ANXA5: variants seen among roughly 807,000 people sequenced by gnomAD.
The protein encoded by ANXA5 is CBP-I.
A neutral mutation model predicts 48.1 loss-of-function variants in ANXA5; 40 were observed. The observed-to-expected ratio is 0.83, with a 90% confidence interval of 0.65 to 1.08. The LOEUF (loss-of-function observed/expected upper bound fraction) is 1.08, where lower values mean the gene tolerates loss of function less well. Among genes scored for constraint, ANXA5 ranks in the 50% least tolerant of loss-of-function variants. ANXA5 has a pLI of 0.00. For missense variants in ANXA5, 357 were observed against 376.8 expected, an observed-to-expected ratio of 0.95 and a Z score of 0.44; for synonymous variants, 113 against 129.1, an observed-to-expected ratio of 0.88 and a Z score of 0.85.
chr4:121,693,640 A>G (rs980762765), intron 2 of ANXA5, among the ~76,000 whole-genome samples: 4 of 152,364 alleles, frequency 2.6e-5, no homozygotes, highest in Admixed American at 6.5e-5. Flanking sequence ...CTGAATGCCA[A>G]TGAATTGCTC....
chr4:121,696,735 C>T lies in ANXA5; in HGVS notation c.-35-111G>A, dbSNP rs531522947. Reference sequence around the variant, plus strand: ...GCTCAGACAGCCCGGAGGGCCCCGCCACGGGGCCGACCCGCCCTCTCGCAG... The same window carrying T: ...GCTCAGACAGCCCGGAGGGCCCCGCTACGGGGCCGACCCGCCCTCTCGCAG... On this transcript the variant is annotated intron_variant, in intron 1 of 12. Transcript: ENST00000296511. 42 of 615,624 alleles carry T rather than the reference C, an allele frequency of 6.8e-5. No individual in the cohort carries two copies. The East Asian group carries it at 1.5e-3, about 22-fold the overall frequency. The allele number at this position is 615,624 out of a possible 1,614,324, so 38.1% of individuals were successfully genotyped here.
intron 8 of ANXA5, among the ~76,000 whole-genome samples, chr4:121,676,277 A>C (rs1476724894): frequency 6.6e-6 from 1 of 152,224 alleles, no homozygotes; most frequent in Non-Finnish European, 1.5e-5. Flanking sequence ...ATATTTAATA[A>C]GCCCTTTAAT....
intron 2 of ANXA5, among the ~76,000 whole-genome samples, chr4:121,693,972 A>G (rs1725029826): frequency 6.6e-6 from 1 of 152,130 alleles, no homozygotes; most frequent in South Asian, 2.1e-4. Flanking sequence ...ATAATTTTAA[A>G]CCAACCGAAA....
At chr4:121,690,528 C>G (rs994504769) in intron 2 of ANXA5, among the ~76,000 whole-genome samples, 3 of 151,770 alleles carry the variant, frequency 2.0e-5, no homozygotes, top group Admixed American at 2.0e-4. Context: ...GAAAGACGGT[C>G]TCAATGAAAC....
At chr4:121,695,091 A>C (rs981214128) in intron 2 of ANXA5, among the ~76,000 whole-genome samples, 1 of 152,254 alleles carries the variant, frequency 6.6e-6, no homozygotes, top group Non-Finnish European at 1.5e-5. Context: ...GCAAAGATAG[A>C]GGGAATTATT....
At chr4:121,681,129 C>T (rs11726034) in intron 6 of ANXA5, among the ~76,000 whole-genome samples, 2,054 of 152,018 alleles carry the variant, frequency 0.014, 23 homozygotes, top group Middle Eastern at 0.02. Context: ...TATTTTAGGC[C>T]GAAATGCAGA....
rs1392621837 is a variant in ANXA5 at position 121,668,355 on chromosome 4, T to C, written c.*113A>G. ...GTGTATGTGTTGGTCATGAGCATGC[T>C]AGTATGAATAAGGCAATGTGTTAAG... On this transcript the variant is annotated 3_prime_UTR_variant, in exon 13 of 13. Transcript: ENST00000296511. The C allele has an allele frequency of 1.1e-6, 1 of 873,808 alleles. No homozygotes were observed. The highest frequency in any genetic ancestry group is 1.7e-5 in the African/African-American group (1 of 60,206). The allele number at this position is 873,808 out of a possible 1,614,324, so 54.1% of individuals were successfully genotyped here.
At chr4:121,680,253 C>CTGTGTG (rs1292792184) in intron 6 of ANXA5, among the ~76,000 whole-genome samples, 1 of 151,832 alleles carries the variant, frequency 6.6e-6, no homozygotes, top group Non-Finnish European at 1.5e-5. Context: ...AACAGTACTC[C>CTGTGTG]TGTGTGTGTG....
intron 6 of ANXA5, 150 bp from the exon 7 acceptor site, chr4:121,678,644 G>T: frequency 1.5e-6 from 1 of 685,116 alleles, no homozygotes; most frequent in Non-Finnish European, 2.4e-6. Flanking sequence ...AATGCTCTAA[G>T]CAAATGCTTT....
At chr4:121,695,807 C>T (rs991510261) in intron 2 of ANXA5, among the ~76,000 whole-genome samples, 1 of 151,166 alleles carries the variant, frequency 6.6e-6, no homozygotes, top group Non-Finnish European at 1.5e-5. Flanking sequence ...AGCTGAGACA[C>T]GAGAATTGCT....
chr4:121,683,242 C>T, intron 5 of ANXA5, 122 bp downstream of exon 5: 1 of 521,506 alleles, frequency 1.9e-6, no homozygotes. Flanking sequence ...TTTTGTCTGC[C>T]AAGCAACTCT....
At chr4:121,682,144 C>T (rs923108727) in intron 5 of ANXA5, among the ~76,000 whole-genome samples, 3 of 152,032 alleles carry the variant, frequency 2.0e-5, no homozygotes, top group Admixed American at 6.6e-5. Flanking sequence ...GAAAACTTCA[C>T]GTAAATGTAC....
intron 8 of ANXA5, among the ~76,000 whole-genome samples, chr4:121,676,583 A>G (rs922366847): frequency 6.6e-6 from 1 of 151,652 alleles, no homozygotes; most frequent in African/African-American, 2.4e-5. Context: ...AGCTGAGGAT[A>G]CAATTGAACT....
At chr4:121,669,908 T>C (rs1171279913) in intron 11 of ANXA5, 46 bp downstream of exon 11, 1 of 1,494,010 alleles carries the variant, frequency 6.7e-7, no homozygotes, top group Non-Finnish European at 9.2e-7. Context: ...GAATAATAAT[T>C]AGAAAGAGAA....
chr4:121,681,659 A>G lies in ANXA5; in HGVS notation c.394+12T>C. ...TGGAGGTGAAGTCAAAATATAACTC[A>G]CAAACATTTACCTTCTTCATAAACT... On this transcript the variant is annotated intron_variant, in intron 6 of 12. Coordinates refer to ENST00000296511, the MANE Select transcript of ANXA5 (RefSeq NM_001154.4). The G allele has an allele frequency of 6.3e-7, 1 of 1,589,178 alleles. No homozygotes were observed. Among genetic ancestry groups the G allele is most frequent in the Admixed American group, 1.7e-5 (1 of 59,542 alleles).
At chr4:121,672,672 T>C (rs745838009) in intron 8 of ANXA5, 46 bp from the exon 9 acceptor site, 4 of 1,421,910 alleles carry the variant, frequency 2.8e-6, no homozygotes, top group Admixed American at 3.4e-5. Context: ...CTCCATCTCA[T>C]TTCCAGGTTC....
At chr4:121,688,160 G>GC (rs1724924475) in intron 2 of ANXA5, among the ~76,000 whole-genome samples, 2 of 152,092 alleles carry the variant, frequency 1.3e-5, no homozygotes, top group Non-Finnish European at 2.9e-5. Flanking sequence ...CTAGAAGAGA[G>GC]CCCTCACCAC....
chr4:121,673,055 C>A (rs1724638411), intron 8 of ANXA5, among the ~76,000 whole-genome samples: 1 of 152,160 alleles, frequency 6.6e-6, no homozygotes, highest in African/African-American at 2.4e-5. Context: ...TGTTCAATAG[C>A]ACATGAGTAA....
chr4:121,678,309 G>T, intron 7 of ANXA5, 106 bp downstream of exon 7: 1 of 878,336 alleles, frequency 1.1e-6, no homozygotes, highest in Non-Finnish European at 1.8e-6. Flanking sequence ...GAATCAGCAA[G>T]TACCACAAAT....
Sources: gnomAD v4.1 joint callset for allele counts (sites outside exome capture counted in the v4.1 genomes callset) on GRCh38, gnomAD v4.1.1 for gene constraint, MANE v1.5 for transcripts, NCBI Gene and HGNC (gene_info 2026-07-23, HGNC 2026-07-21) for gene names.